The following SLIT2 variants were observed in gnomAD, a reference collection of about 807,000 sequenced individuals.
SLIT2 encodes slit homolog 2 protein.
In SLIT2, 41 loss-of-function variants were observed where a neutral mutation model predicts 185.7. The observed-to-expected ratio is 0.22, with a 90% CI of 0.17 to 0.29. The LOEUF (loss-of-function observed/expected upper bound fraction) is 0.29. Among genes scored for constraint, SLIT2 ranks in the 10% least tolerant of loss-of-function variants. The probability of loss-of-function intolerance (pLI) is 1.00; values close to 1 mark genes in which losing one functional copy is unlikely to be tolerated. For synonymous variants in SLIT2, 693 were observed against 680.2 expected, an observed-to-expected ratio of 1.02 and a Z score of -0.29; for missense variants, 1,571 against 1,909.0, an observed-to-expected ratio of 0.82 and a Z score of 3.30.
intron 4 of SLIT2, among the ~76,000 whole-genome samples, chr4:20,281,985 GGAA>G (rs1714821278): frequency 1.3e-5 from 2 of 152,142 alleles, no homozygotes; most frequent in Non-Finnish European, 2.9e-5. Context: ...ATGGCATGCA[GGAA>G]TAACTGTTGT....
At chr4:20,285,528 A>G (rs1049296202) in intron 4 of SLIT2, among the ~76,000 whole-genome samples, 23 of 152,010 alleles carry the variant, frequency 1.5e-4, no homozygotes, top group African/African-American at 4.1e-4. Context: ...GGGCAAATAC[A>G]TAGAAACTTT....
intron 4 of SLIT2, among the ~76,000 whole-genome samples, chr4:20,367,443 G>T (rs1723206279): frequency 6.6e-6 from 1 of 152,156 alleles, no homozygotes; most frequent in African/African-American, 2.4e-5. Flanking sequence ...GTGTATGGAT[G>T]TAAGAAGCTT....
At chr4:20,573,124 T>A (rs1027333230) in intron 29 of SLIT2, 6 of 685,916 alleles carry the variant, frequency 8.7e-6, no homozygotes, top group Non-Finnish European at 1.6e-5. Context: ...TTCAGCTTGC[T>A]CGCCCACCCC....
At chr4:20,325,174 A>C (rs910474199) in intron 4 of SLIT2, among the ~76,000 whole-genome samples, 1 of 151,578 alleles carries the variant, frequency 6.6e-6, no homozygotes, top group Admixed American at 6.6e-5. Context: ...ATCTTTCGCC[A>C]TATACAAAAT....
intron 4 of SLIT2, among the ~76,000 whole-genome samples, chr4:20,437,472 G>T (rs962102099): frequency 1.1e-4 from 16 of 152,158 alleles, no homozygotes; most frequent in African/African-American, 3.6e-4. Flanking sequence ...AAAATTATCT[G>T]TGTGTCGATG....
intron 4 of SLIT2, among the ~76,000 whole-genome samples, chr4:20,434,857 A>G (rs758348705): frequency 2.6e-5 from 4 of 152,242 alleles, no homozygotes; most frequent in Non-Finnish European, 5.9e-5. Context: ...GTATGAAAGC[A>G]AGGTGCATGT....
intron 11 of SLIT2, among the ~76,000 whole-genome samples, chr4:20,518,011 A>G (rs1720364831): frequency 1.3e-5 from 2 of 150,770 alleles, no homozygotes; most frequent in South Asian, 4.2e-4. Context: ...ATGTAAGTTC[A>G]AATCACCTCT....
chr4:20,307,153 TCCCTCCC>T (rs1422150837), intron 4 of SLIT2, among the ~76,000 whole-genome samples: 2 of 39,554 alleles, frequency 5.1e-5, no homozygotes, highest in African/African-American at 1.2e-4. Flanking sequence ...CCTCCCTCCC[TCCCTCCC>T]TCCTTCCTTC....
chr4:20,541,327 A>G, intron 19 of SLIT2, 126 bp from the exon 20 acceptor site: 1 of 730,470 alleles, frequency 1.4e-6, no homozygotes, highest in East Asian at 2.7e-5. Context: ...AAGAATGGGG[A>G]CAGGGAATGC....
intron 4 of SLIT2, among the ~76,000 whole-genome samples, chr4:20,291,575 T>A (rs1258405518): frequency 6.9e-6 from 1 of 145,476 alleles, no homozygotes; most frequent in African/African-American, 2.5e-5. Context: ...ACAAAAATGT[T>A]AAAAATTTTC....
intron 29 of SLIT2, among the ~76,000 whole-genome samples, chr4:20,581,554 C>T (rs1726568191): frequency 6.6e-6 from 1 of 152,228 alleles, no homozygotes; most frequent in East Asian, 1.9e-4. Flanking sequence ...CTAGACAACT[C>T]CCTTTCTCTC....
chr4:20,440,879 A>G (rs974260156), intron 4 of SLIT2, among the ~76,000 whole-genome samples: 1 of 152,184 alleles, frequency 6.6e-6, no homozygotes, highest in Non-Finnish European at 1.5e-5. Context: ...TTGAGGAGTC[A>G]TCGTACCCAA....
At chr4:20,299,193 A>G (rs1241068333) in intron 4 of SLIT2, among the ~76,000 whole-genome samples, 2 of 152,210 alleles carry the variant, frequency 1.3e-5, no homozygotes, top group South Asian at 2.1e-4. Context: ...GCCAAAGACA[A>G]TCCACCCAGT....
chr4:20,519,336 T>G, intron 11 of SLIT2, 46 bp from the exon 12 acceptor site: 1 of 922,010 alleles, frequency 1.1e-6, no homozygotes, highest in Non-Finnish European at 1.8e-6. Context: ...GAATTTGTTA[T>G]GCAGGTTTGG....
At chr4:20,614,459 T>C (rs913374153) in intron 34 of SLIT2, among the ~76,000 whole-genome samples, 3 of 151,990 alleles carry the variant, frequency 2.0e-5, no homozygotes, top group African/African-American at 7.3e-5. Flanking sequence ...ACTAGGCCAA[T>C]AGCATAGAGG....
chr4:20,525,367 AT>A (rs1721197412), intron 15 of SLIT2, among the ~76,000 whole-genome samples, 195 bp downstream of exon 15: 2 of 144,872 alleles, frequency 1.4e-5, no homozygotes, highest in African/African-American at 5.1e-5. Context: ...TTAAACATAT[AT>A]TATTAAACTC....
At position 20,326,791 on chromosome 4, in the gene SLIT2, C is replaced by T. The variant is rs74990431; in HGVS notation, c.395+57910C>T. On this transcript the variant is annotated intron_variant, in intron 4 of 36. Coordinates refer to ENST00000504154, the MANE Select transcript of SLIT2 (RefSeq NM_004787.4). ...TTTTAAGTACATGAATGAGTTCTGG[C>T]TCCAGTTAGAAAATTTGATAATTGT... Among the ~76,000 whole-genome samples the T allele has an allele frequency of 5.0e-5, 6 of 121,104 alleles. No homozygotes were observed. The East Asian group carries it at 1.5e-3, about 31-fold the overall frequency. 79.4% of individuals were successfully genotyped at this position (121,104 alleles called of 152,430 possible).
At position 20,616,901 on chromosome 4, in the gene SLIT2, C is replaced by A; in HGVS notation, c.3848-9C>A. 1 of 1,580,874 alleles carries A rather than the reference C, an allele frequency of 6.3e-7. No individual in the cohort carries two copies. Among genetic ancestry groups the A allele is most frequent in the South Asian group, 1.1e-5 (1 of 87,806 alleles). On this transcript the variant is annotated splice_polypyrimidine_tract_variant and intron_variant, in intron 34 of 36. Coordinates refer to ENST00000504154, the MANE Select transcript of SLIT2 (RefSeq NM_004787.4). ...AGAGCCTGACCTCTGACCTGGTGTT[C>A]CTCCCCAGGCATGCCAGGGAAGAGT...
At chr4:20,379,970 T>C (rs1333703873) in intron 4 of SLIT2, among the ~76,000 whole-genome samples, 1 of 152,040 alleles carries the variant, frequency 6.6e-6, no homozygotes, top group Admixed American at 6.6e-5. Flanking sequence ...TAGAGACAGC[T>C]CTGGAACACT....
Sources: gnomAD v4.1 joint callset for allele counts (sites outside exome capture counted in the v4.1 genomes callset) on GRCh38, gnomAD v4.1.1 for gene constraint, MANE v1.5 for transcripts, NCBI Gene and HGNC (gene_info 2026-07-23, HGNC 2026-07-21) for gene names.